TMX3: variants seen among roughly 807,000 people sequenced by gnomAD.
TMX3 encodes protein disulfide-isomerase TMX3.
A neutral mutation model predicts 64.4 loss-of-function variants in TMX3; 40 were observed. That is an observed-to-expected ratio of 0.62 (90% CI 0.48 to 0.81). The LOEUF (loss-of-function observed/expected upper bound fraction) is 0.81, where lower values mean the gene tolerates loss of function less well. Ranked by LOEUF, TMX3 falls within the 30% of genes least tolerant of loss-of-function variation. The probability of loss-of-function intolerance (pLI) is 0.00; values close to 1 mark genes in which losing one functional copy is unlikely to be tolerated. For missense variants in TMX3, 497 were observed against 534.5 expected (o/e 0.93, Z 0.69); for synonymous variants, 189 against 175.7 (o/e 1.08, Z -0.60).
rs45626735 is a variant in TMX3, at chr18:68,691,629, C to A, written c.571-268G>T. Among the ~76,000 whole-genome samples, 953 of 152,262 alleles carry A rather than the reference C, an allele frequency of 6.3e-3. 8 individuals are homozygous for A. Among genetic ancestry groups the A allele is most frequent in the South Asian group, 0.024 (117 of 4,816 alleles). On this transcript the variant is annotated intron_variant, in intron 8 of 15. Transcript: ENST00000299608. Reference sequence around the variant, plus strand: ...ACCTGATAACAGACTTAAACATCAACCAGCCTATTCAGGTTTAAGTCCTTC... The same window carrying A: ...ACCTGATAACAGACTTAAACATCAAACAGCCTATTCAGGTTTAAGTCCTTC...
chr18:68,713,368 T>C (rs1266615442), intron 2 of TMX3, among the ~76,000 whole-genome samples: 1 of 152,174 alleles, frequency 6.6e-6, no homozygotes, highest in Non-Finnish European at 1.5e-5. Context: ...CCAGGGACTG[T>C]AATGCACCGG....
intron 2 of TMX3, among the ~76,000 whole-genome samples, chr18:68,712,660 C>CTGTT (rs1491535134): frequency 1.3e-5 from 2 of 152,098 alleles, no homozygotes; most frequent in Admixed American, 1.3e-4. Context: ...AGAGTTGCCC[C>CTGTT]TGTTAGGACA....
At chr18:68,705,969 G>C (rs1445809377) in intron 4 of TMX3, among the ~76,000 whole-genome samples, 2 of 152,156 alleles carry the variant, frequency 1.3e-5, no homozygotes, top group South Asian at 2.1e-4. Context: ...ATATAAACTT[G>C]ATCACTTTGA....
At chr18:68,693,874 C>T (rs1599316588) in intron 8 of TMX3, among the ~76,000 whole-genome samples, 1 of 152,088 alleles carries the variant, frequency 6.6e-6, no homozygotes, top group Non-Finnish European at 1.5e-5. Flanking sequence ...GTGGATCGTG[C>T]CTTTTCCAGG....
intron 15 of TMX3, among the ~76,000 whole-genome samples, chr18:68,677,629 A>AT (rs1913048200): frequency 6.6e-6 from 1 of 152,100 alleles, no homozygotes; most frequent in Non-Finnish European, 1.5e-5. Flanking sequence ...CATTTTTAAT[A>AT]TTTTTTACTT....
intron 5 of TMX3, chr18:68,701,505 C>A (rs928935699): frequency 5.3e-6 from 4 of 749,682 alleles, no homozygotes; most frequent in Admixed American, 2.6e-5. Flanking sequence ...ACTTGTCCTG[C>A]ACAGTGCGTG....
At chr18:68,705,665 C>T (rs762667145) in intron 4 of TMX3, among the ~76,000 whole-genome samples, 1 of 152,144 alleles carries the variant, frequency 6.6e-6, no homozygotes, top group Non-Finnish European at 1.5e-5. Context: ...TATTTTAGCA[C>T]TCATTTTGAA....
chr18:68,684,344 A>C, intron 11 of TMX3, 84 bp downstream of exon 11: 1 of 1,506,428 alleles, frequency 6.6e-7, no homozygotes, highest in South Asian at 1.2e-5. Flanking sequence ...CTGCAGGAAA[A>C]GTAAGATACC....
At position 68,676,766 on chromosome 18, in the gene TMX3, A is replaced by C; in HGVS notation, c.*167T>G. 1.2e-6 allele frequency: 1 copy of C among 827,438 alleles called. No individual in the cohort carries two copies. Among genetic ancestry groups the C allele is most frequent in the East Asian group, 2.7e-5 (1 of 37,208 alleles). 51.3% of individuals were successfully genotyped at this position (827,438 alleles called of 1,614,324 possible). A position where few individuals can be genotyped will look rare whatever the true frequency, so the allele number is the denominator to read the frequency against. On this transcript the variant is annotated 3_prime_UTR_variant, in exon 16 of 16. Transcript: ENST00000299608. ...GACAAACTGTTCATCTCTTTGCTCC[A>C]AACACTTCCCCATGTATGGAGGGAC... is the stretch of plus-strand genomic sequence containing the variant.
chr18:68,694,541 G>A (rs1291312423), intron 8 of TMX3, among the ~76,000 whole-genome samples: 1 of 152,152 alleles, frequency 6.6e-6, no homozygotes, highest in East Asian at 1.9e-4. Context: ...GCAGGCACAG[G>A]ATCTGGGCCG....
intron 10 of TMX3, among the ~76,000 whole-genome samples, chr18:68,685,641 A>T (rs530711098): frequency 6.6e-6 from 1 of 152,342 alleles, no homozygotes; most frequent in Non-Finnish European, 1.5e-5. Flanking sequence ...CAAATAATGT[A>T]CCACACACTG....
At chr18:68,709,314 T>C (rs1171892073) in intron 4 of TMX3, among the ~76,000 whole-genome samples, 2 of 152,150 alleles carry the variant, frequency 1.3e-5, no homozygotes, top group African/African-American at 4.8e-5. Context: ...TTCTTCTTTT[T>C]CCCAAATCCT....
At chr18:68,698,084 A>G in intron 6 of TMX3, 53 bp from the exon 7 acceptor site, 1 of 1,185,170 alleles carries the variant, frequency 8.4e-7, no homozygotes. Flanking sequence ...AAAGTACATA[A>G]TTTACTATTT....
intron 7 of TMX3, 182 bp from the exon 8 acceptor site, chr18:68,697,485 A>T: frequency 2.4e-6 from 1 of 425,204 alleles, no homozygotes; most frequent in Non-Finnish European, 4.3e-6. Flanking sequence ...GCAAAGGCCA[A>T]CGTAATTAAG....
chr18:68,705,103 T>TA (rs1192170500), intron 4 of TMX3, among the ~76,000 whole-genome samples: 1 of 152,114 alleles, frequency 6.6e-6, no homozygotes, highest in Non-Finnish European at 1.5e-5. Flanking sequence ...CTTTGTTTTC[T>TA]AAAAACAGTG....
In TMX3 at chr18:68,713,416, C is replaced by T. The variant is rs949824069; in HGVS notation, c.101+430G>A. 3.9e-5 allele frequency among the ~76,000 whole-genome samples: 6 copies of T among 152,146 alleles called. No homozygotes were observed. The East Asian group carries it at 9.7e-4, about 25-fold the overall frequency. On this transcript the variant is annotated intron_variant, in intron 2 of 15. Coordinates refer to ENST00000299608, the MANE Select transcript of TMX3 (RefSeq NM_019022.5). Reference sequence around the variant, plus strand: ...TTTGGTGTAGGGAGGGCACCTTCCCCTATGCCAGAAAAAGCCTTGCAATTG... The same window carrying T: ...TTTGGTGTAGGGAGGGCACCTTCCCTTATGCCAGAAAAAGCCTTGCAATTG...
intron 14 of TMX3, among the ~76,000 whole-genome samples, chr18:68,680,624 G>C (rs1849596007): frequency 6.6e-6 from 1 of 152,044 alleles, no homozygotes; most frequent in African/African-American, 2.4e-5. Context: ...AACATACTAA[G>C]AGACAGGCAA....
chr18:68,681,516 T>TA (rs1326211699), intron 13 of TMX3: 1 of 984,540 alleles, frequency 1.0e-6, no homozygotes, highest in African/African-American at 1.7e-5. Flanking sequence ...TCTGGTACTT[T>TA]AATCTTTGGC....
chr18:68,687,718 G>C lies in TMX3; in HGVS notation c.685C>G (p.Gln229Glu). ...LSSWINRERF[Q>E]NYLAMDGFLL... ...AAGCCATCCATAGCAAGGTAATTCT[G>C]AAACCTTTCCCTGTTGATCCATGAT... The change falls in exon 10 of 16, where the codon CAG (glutamine) becomes GAG (glutamate). Residue 229 changes from glutamine (Q) to glutamate (E), a missense_variant. Around this residue, in one of 3 missense-constraint regions of TMX3, gnomAD observed 360 missense variants for 383.5 expected, o/e 0.94. Transcript: ENST00000299608. 2 of 1,612,518 alleles carry C rather than the reference G, an allele frequency of 1.2e-6. No individual in the cohort carries two copies. Among genetic ancestry groups the C allele is most frequent in the Non-Finnish European group, 1.7e-6 (2 of 1,179,298 alleles).
Sources: gnomAD v4.1 joint callset for allele counts (sites outside exome capture counted in the v4.1 genomes callset) on GRCh38, gnomAD v4.1.1 for gene constraint, gnomAD v4.1.1 regional missense constraint, MANE v1.5 for transcripts, NCBI Gene and HGNC (gene_info 2026-07-23, HGNC 2026-07-21) for gene names.